HDAC9: variants seen among roughly 807,000 people sequenced by gnomAD.
HDAC9 encodes MEF-2 interacting transcription repressor (MITR) protein.
Under a neutral mutation model 139.4 loss-of-function variants are expected in HDAC9, and 41 were observed. The ratio of observed to expected loss-of-function variants is 0.29; its 90% CI spans 0.23 to 0.38. The LOEUF (loss-of-function observed/expected upper bound fraction) is 0.38. Ranked by LOEUF, HDAC9 falls within the 10% of genes least tolerant of loss-of-function variation. The probability of loss-of-function intolerance (pLI) is 1.00; values close to 1 mark genes in which losing one functional copy is unlikely to be tolerated. For missense variants in HDAC9, 1,147 were observed against 1,297.0 expected (o/e 0.88, Z 1.78); for synonymous variants, 517 against 476.2 (o/e 1.09, Z -1.12).
chr7:18,668,408 A>G (rs867223686), intron 12 of HDAC9: 1 of 934,912 alleles, frequency 1.1e-6, no homozygotes. Context: ...ATTTTCTTCA[A>G]AGTCTTTTTT....
intron 15 of HDAC9, among the ~76,000 whole-genome samples, chr7:18,765,462 A>C: frequency 6.6e-6 from 1 of 152,150 alleles, no homozygotes. Flanking sequence ...TCTACTAAAA[A>C]TACAAAAATT....
At chr7:18,754,596 T>G (rs1421958480) in intron 14 of HDAC9, among the ~76,000 whole-genome samples, 1 of 152,184 alleles carries the variant, frequency 6.6e-6, no homozygotes, top group Non-Finnish European at 1.5e-5. Flanking sequence ...CTTCGCTTAA[T>G]TCATAAGTAA....
rs182948593 is a variant in HDAC9 at position 18,473,497 on chromosome 7, C to T, written c.-41-22765C>T. On this transcript the variant is annotated intron_variant, in intron 1 of 3. Transcript: ENST00000413509. ...TATTCACAGCCCAGGTGCACATGTGCATGGATGCACAGACAAGGGACTGCA... is the reference window on the plus strand; with the variant it reads ...TATTCACAGCCCAGGTGCACATGTGTATGGATGCACAGACAAGGGACTGCA... Among the ~76,000 whole-genome samples the T allele has an allele frequency of 3.3e-5, 5 of 152,332 alleles. No homozygotes were observed. In the East Asian group the frequency reaches 9.6e-4, roughly 29 times the overall value.
At chr7:18,732,891 G>A (rs1786376011) in intron 13 of HDAC9, among the ~76,000 whole-genome samples, 1 of 93,446 alleles carries the variant, frequency 1.1e-5, no homozygotes. Flanking sequence ...GTGCGTATGT[G>A]TACACACACA....
chr7:18,296,450 A>C (rs1468984449), intron 1 of HDAC9, among the ~76,000 whole-genome samples: 2 of 151,908 alleles, frequency 1.3e-5, no homozygotes, highest in East Asian at 3.9e-4. Context: ...GTGTGTAACT[A>C]TAATAAACTC....
intron 1 of HDAC9, among the ~76,000 whole-genome samples, chr7:18,116,264 G>T (rs1783976737): frequency 6.6e-6 from 1 of 152,086 alleles, no homozygotes; most frequent in African/African-American, 2.4e-5. Flanking sequence ...AAAAATTCCA[G>T]AATGAGAAAT....
At chr7:18,632,168 A>G (rs1008411575) in intron 7 of HDAC9, among the ~76,000 whole-genome samples, 1 of 152,050 alleles carries the variant, frequency 6.6e-6, no homozygotes, top group Non-Finnish European at 1.5e-5. Flanking sequence ...TTTAAATTCT[A>G]CATTTCCTTT....
At position 18,490,688 on chromosome 7, in the gene HDAC9, A is replaced by G. The variant is rs143151016; in HGVS notation, c.-41-5574A>G. Reference sequence around the variant, plus strand: ...ATAAATAAGGTCTTGAGTTGGAACAAAAATTAGTACACTGTACTTTCCCCT... The same window carrying G: ...ATAAATAAGGTCTTGAGTTGGAACAGAAATTAGTACACTGTACTTTCCCCT... On this transcript the variant is annotated intron_variant, in intron 1 of 3. Coordinates refer to the HDAC9 transcript ENST00000413509. Among the ~76,000 whole-genome samples, 1,085 of 152,178 alleles carry G rather than the reference A, an allele frequency of 7.1e-3. 11 individuals carry two copies. Among genetic ancestry groups the G allele is most frequent in the African/African-American group, 0.025 (1,025 of 41,542 alleles).
intron 22 of HDAC9, among the ~76,000 whole-genome samples, chr7:18,904,931 G>T (rs1802086054): frequency 6.6e-6 from 1 of 150,572 alleles, no homozygotes; most frequent in African/African-American, 2.4e-5. Flanking sequence ...CAAAGTCTTG[G>T]TCTATTGCCC....
intron 22 of HDAC9, among the ~76,000 whole-genome samples, chr7:18,908,835 C>G (rs1243430492): frequency 6.6e-6 from 1 of 152,046 alleles, no homozygotes; most frequent in African/African-American, 2.4e-5. Flanking sequence ...GATTCCATAT[C>G]TTGGCTATTG....
chr7:18,683,579 T>C (rs1433389833), intron 12 of HDAC9, among the ~76,000 whole-genome samples: 3 of 152,240 alleles, frequency 2.0e-5, no homozygotes, highest in South Asian at 4.1e-4. Context: ...CTGGGTTACT[T>C]TGAGGAACAG....
intron 25 of HDAC9, among the ~76,000 whole-genome samples, chr7:18,987,403 C>T (rs532701444): frequency 6.6e-6 from 1 of 152,284 alleles, no homozygotes; most frequent in South Asian, 2.1e-4. Context: ...AGCCTTGCAT[C>T]CCAGGAATGA....
intron 2 of HDAC9, among the ~76,000 whole-genome samples, chr7:18,538,936 T>C (rs1335853422): frequency 1.3e-5 from 2 of 152,172 alleles, no homozygotes; most frequent in African/African-American, 4.8e-5. Flanking sequence ...TACTGTGTGA[T>C]GCAGAGGCTA....
chr7:18,412,985 T>G (rs1325787004), intron 1 of HDAC9, among the ~76,000 whole-genome samples: 1 of 152,206 alleles, frequency 6.6e-6, no homozygotes, highest in East Asian at 1.9e-4. Context: ...AGTCAAGGTT[T>G]TAAAATATGT....
chr7:18,514,788 C>A (rs565724651), intron 2 of HDAC9, among the ~76,000 whole-genome samples: 1 of 151,744 alleles, frequency 6.6e-6, no homozygotes, highest in Non-Finnish European at 1.5e-5. Flanking sequence ...AAAATAAAAA[C>A]GAAAAATAAT....
chr7:18,355,812 A>G (rs1216414140), intron 1 of HDAC9, among the ~76,000 whole-genome samples: 3 of 152,194 alleles, frequency 2.0e-5, no homozygotes, highest in South Asian at 4.1e-4. Flanking sequence ...TTGCCTTGTC[A>G]TGTTATGAAG....
intron 2 of HDAC9, among the ~76,000 whole-genome samples, chr7:18,251,094 A>G (rs1392157944): frequency 6.6e-6 from 1 of 152,232 alleles, no homozygotes; most frequent in Non-Finnish European, 1.5e-5. Context: ...TAGCAAAGGC[A>G]TGGAATCAAT....
chr7:18,984,791 A>G (rs1252621821), intron 25 of HDAC9, among the ~76,000 whole-genome samples: 1 of 152,214 alleles, frequency 6.6e-6, no homozygotes, highest in African/African-American at 2.4e-5. Context: ...GCGAACATGG[A>G]CAAAAGGAAG....
At chr7:18,206,009 A>AT (rs1278943906) in intron 2 of HDAC9, among the ~76,000 whole-genome samples, 1 of 150,292 alleles carries the variant, frequency 6.7e-6, no homozygotes, top group Non-Finnish European at 1.5e-5. Context: ...TTTCATTGAG[A>AT]TTTTTTTAAT....
Sources: allele counts gnomAD v4.1 joint callset (sites outside exome capture counted in the v4.1 genomes callset), GRCh38; gene constraint gnomAD v4.1.1; transcripts MANE v1.5; gene names NCBI Gene and HGNC (gene_info 2026-07-23, HGNC 2026-07-21).